Variants in ITGA2 observed in about 807,000 individuals in gnomAD.
ITGA2 encodes the protein integrin subunit alpha 2.
Under a neutral mutation model 146.3 loss-of-function variants are expected in ITGA2, and 101 were observed. That is an observed-to-expected ratio of 0.69 (90% CI 0.59 to 0.81). The LOEUF (loss-of-function observed/expected upper bound fraction) is 0.81. ITGA2 is among the 40% of genes least tolerant of loss of function. The probability of loss-of-function intolerance (pLI) is 0.00; values close to 1 mark genes in which losing one functional copy is unlikely to be tolerated. For missense variants in ITGA2, 1,281 were observed against 1,402.7 expected, an observed-to-expected ratio of 0.91 and a Z score of 1.39; for synonymous variants, 477 against 487.1, an observed-to-expected ratio of 0.98 and a Z score of 0.27.
chr5:53,023,509 T>A (rs1222592618), intron 1 of ITGA2, among the ~76,000 whole-genome samples: 2 of 152,216 alleles, frequency 1.3e-5, no homozygotes, highest in Non-Finnish European at 2.9e-5. Flanking sequence ...CCATTTTTTT[T>A]AGTAAAATTA....
chr5:53,030,599 T>G (rs1223644325), intron 2 of ITGA2, among the ~76,000 whole-genome samples: 1 of 152,200 alleles, frequency 6.6e-6, no homozygotes, highest in East Asian at 1.9e-4. Context: ...TCTGGGTCCT[T>G]TTGTTGATCT....
At chr5:53,065,764 A>T (rs1473271986) in intron 14 of ITGA2, 77 bp from the exon 15 acceptor site, 1 of 1,573,644 alleles carries the variant, frequency 6.4e-7, no homozygotes, top group Admixed American at 1.7e-5. Context: ...AGAAAATATA[A>T]TAATGAAATT....
intron 1 of ITGA2, among the ~76,000 whole-genome samples, chr5:53,025,272 G>C (rs1014322908): frequency 1.3e-5 from 2 of 152,086 alleles, no homozygotes; most frequent in African/African-American, 4.8e-5. Context: ...TTAATTTGCT[G>C]TTATTTTCTT....
intron 2 of ITGA2, among the ~76,000 whole-genome samples, chr5:53,032,957 T>C (rs1352151438): frequency 6.6e-6 from 1 of 152,080 alleles, no homozygotes; most frequent in Non-Finnish European, 1.5e-5. Flanking sequence ...ATGAGCACCT[T>C]GTGTGAGAAT....
At chr5:53,023,337 T>TTTG (rs780030650) in intron 1 of ITGA2, among the ~76,000 whole-genome samples, 6 of 152,214 alleles carry the variant, frequency 3.9e-5, no homozygotes, top group Non-Finnish European at 8.8e-5. Flanking sequence ...TGGGATGAAC[T>TTTG]TTGCCTTCCT....
intron 5 of ITGA2, 80 bp from the exon 6 acceptor site, chr5:53,048,563 C>T: frequency 6.2e-7 from 1 of 1,610,938 alleles, no homozygotes; most frequent in South Asian, 1.1e-5. Flanking sequence ...CACCCAAACC[C>T]TCCTTAAGTC....
chr5:53,065,547 A>C (rs939569212), intron 14 of ITGA2, among the ~76,000 whole-genome samples: 2 of 151,828 alleles, frequency 1.3e-5, no homozygotes, highest in African/African-American at 4.8e-5. Flanking sequence ...AGAACTAGGA[A>C]ATTAACCCTG....
At chr5:53,025,164 C>A (rs1742880496) in intron 1 of ITGA2, among the ~76,000 whole-genome samples, 2 of 152,152 alleles carry the variant, frequency 1.3e-5, no homozygotes, top group Non-Finnish European at 2.9e-5. Context: ...TGATTGATAA[C>A]ATATTCAAAT....
At chr5:53,025,901 A>G (rs1742920819) in intron 1 of ITGA2, among the ~76,000 whole-genome samples, 1 of 152,194 alleles carries the variant, frequency 6.6e-6, no homozygotes, top group Admixed American at 6.5e-5. Flanking sequence ...AGTGTCATAC[A>G]GAGAAACATG....
intron 28 of ITGA2, chr5:53,089,384 A>G (rs927585961): frequency 6.5e-6 from 1 of 153,392 alleles, no homozygotes; most frequent in Non-Finnish European, 1.5e-5. Context: ...GCCAGGAAGC[A>G]GATACAAAGA....
At chr5:53,037,093 A>G (rs910992787) in intron 2 of ITGA2, among the ~76,000 whole-genome samples, 1 of 152,226 alleles carries the variant, frequency 6.6e-6, no homozygotes, top group Non-Finnish European at 1.5e-5. Flanking sequence ...CAGCCCCTAG[A>G]TTGTGGGTTT....
At chr5:53,078,069 G>T (rs1266165361) in intron 23 of ITGA2, among the ~76,000 whole-genome samples, 2 of 152,036 alleles carry the variant, frequency 1.3e-5, no homozygotes, top group Non-Finnish European at 2.9e-5. Flanking sequence ...TCCTATGAGG[G>T]TTTCTCTGAT....
intron 7 of ITGA2, among the ~76,000 whole-genome samples, chr5:53,054,416 G>T (rs966968204): frequency 3.3e-5 from 5 of 151,818 alleles, no homozygotes; most frequent in African/African-American, 9.7e-5. Context: ...TTCTTTATTT[G>T]ATACTATCTA....
chr5:53,019,686 C>G (rs1293036024), intron 1 of ITGA2, among the ~76,000 whole-genome samples: 3 of 152,032 alleles, frequency 2.0e-5, no homozygotes, highest in African/African-American at 7.3e-5. Context: ...CCACCATGCC[C>G]AGCTATTTTT....
At chr5:52,993,983 G>C (rs1215821839) in intron 1 of ITGA2, among the ~76,000 whole-genome samples, 1 of 152,138 alleles carries the variant, frequency 6.6e-6, no homozygotes, top group Admixed American at 6.5e-5. Context: ...TCATTTACCA[G>C]CAGAACATAC....
intron 2 of ITGA2, among the ~76,000 whole-genome samples, chr5:53,041,907 G>A (rs1743815343): frequency 6.6e-6 from 1 of 152,106 alleles, no homozygotes; most frequent in Non-Finnish European, 1.5e-5. Flanking sequence ...AGACTTTCTA[G>A]GGTGTGTGGC....
At chr5:53,010,005 A>G (rs1311258796) in intron 1 of ITGA2, among the ~76,000 whole-genome samples, 2 of 152,136 alleles carry the variant, frequency 1.3e-5, no homozygotes, top group Admixed American at 1.3e-4. Context: ...TAGGAGTTTC[A>G]CTGTTAGAAA....
intron 15 of ITGA2, 69 bp from the exon 16 acceptor site, chr5:53,067,049 A>G (rs1561138944): frequency 1.3e-6 from 2 of 1,519,890 alleles, no homozygotes; most frequent in Non-Finnish European, 9.0e-7. Context: ...TGGGTCCTCT[A>G]TGATAAAGGA....
At position 53,042,247 on chromosome 5, in the gene ITGA2, A is replaced by G. The variant is rs1743836144; in HGVS notation, c.295+26A>G. 3 of 1,351,430 alleles carry G rather than the reference A, an allele frequency of 2.2e-6. No homozygotes were observed. The Admixed American group carries it at 5.0e-5, about 23-fold the overall frequency. The allele number at this position is 1,351,430 out of a possible 1,614,324, so 83.7% of individuals were successfully genotyped here. A position where few individuals can be genotyped will look rare whatever the true frequency, so the allele number is the denominator to read the frequency against. ...GTAAGTTTAAATTTACTTGCAAGGC[A>G]TGTGATTTGTCTTAGACTCAACTGA... On this transcript the variant is annotated intron_variant, in intron 3 of 29. Coordinates refer to ENST00000296585, the MANE Select transcript of ITGA2 (RefSeq NM_002203.4).
Sources: gnomAD v4.1 joint callset for allele counts (sites outside exome capture counted in the v4.1 genomes callset) on GRCh38, gnomAD v4.1.1 for gene constraint, MANE v1.5 for transcripts, NCBI Gene and HGNC (gene_info 2026-07-23, HGNC 2026-07-21) for gene names.